Variants in MTUS2 observed in about 807,000 individuals in gnomAD.
MTUS2 encodes microtubule-associated tumor suppressor candidate 2.
A neutral mutation model predicts 114.1 loss-of-function variants in MTUS2; 40 were observed. The ratio of observed to expected loss-of-function variants is 0.35; its 90% CI spans 0.27 to 0.46. MTUS2 has a LOEUF of 0.46. Ranked by LOEUF, MTUS2 falls within the 20% of genes least tolerant of loss-of-function variation. MTUS2 has a pLI of 1.00. For missense variants in MTUS2, 1,679 were observed against 1,705.4 expected, an observed-to-expected ratio of 0.98 and a Z score of 0.27; for synonymous variants, 688 against 672.0, an observed-to-expected ratio of 1.02 and a Z score of -0.37.
At position 29,389,343 on chromosome 13, in the gene MTUS2, A is replaced by G. The variant is rs1206973430; in HGVS notation, c.3117+29870A>G. 3.7e-4 allele frequency among the ~76,000 whole-genome samples: 20 copies of G among 53,898 alleles called. 3 individuals are homozygous for G. The highest frequency in any genetic ancestry group is 7.7e-4 in the African/African-American group (15 of 19,572). 35.4% of individuals were successfully genotyped at this position (53,898 alleles called of 152,430 possible). ...CACATATGTGTGTATATATGTATGC[A>G]CGTGTGTGTATATATGTATGCACGT... is the stretch of plus-strand genomic sequence containing the variant. On this transcript the variant is annotated intron_variant, in intron 8 of 15. Transcript: ENST00000612955.
chr13:28,868,481 G>T (rs1372900963), intron 2 of MTUS2, among the ~76,000 whole-genome samples: 2 of 152,146 alleles, frequency 1.3e-5, no homozygotes, highest in African/African-American at 4.8e-5. Flanking sequence ...TCCAGTTTGT[G>T]TCTGTTTATG....
chr13:28,931,667 T>C (rs1309030262), intron 2 of MTUS2, among the ~76,000 whole-genome samples: 2 of 151,720 alleles, frequency 1.3e-5, no homozygotes, highest in Non-Finnish European at 2.9e-5. Context: ...ATAATGACTG[T>C]TTATATTGTA....
chr13:29,032,182 C>T (rs1046968447), intron 3 of MTUS2, among the ~76,000 whole-genome samples: 5 of 152,046 alleles, frequency 3.3e-5, no homozygotes, highest in African/African-American at 1.2e-4. Context: ...ACATCAAAGG[C>T]GCAGTTTTCC....
intron 10 of MTUS2, among the ~76,000 whole-genome samples, chr13:29,485,828 AT>A (rs1881571391): frequency 6.9e-6 from 1 of 144,442 alleles, no homozygotes; most frequent in Non-Finnish European, 1.5e-5. Flanking sequence ...ACTCATGATC[AT>A]TTGTGTAAGC....
At chr13:29,376,966 G>A (rs1005061075) in intron 8 of MTUS2, among the ~76,000 whole-genome samples, 6 of 118,268 alleles carry the variant, frequency 5.1e-5, no homozygotes, top group Non-Finnish European at 9.3e-5. Flanking sequence ...TGAAAAACTG[G>A]AGTAGCTATA....
intron 5 of MTUS2, among the ~76,000 whole-genome samples, chr13:29,219,507 C>G (rs34762092): frequency 0.15 from 22,661 of 151,998 alleles, 1,860 homozygotes; most frequent in East Asian, 0.31. Context: ...ATGGCTGGGT[C>G]AAATGGTATT....
At position 28,894,288 on chromosome 13, in the gene MTUS2, GGGAGAGAGA is replaced by G. The variant is rs1326274127; in HGVS notation, c.-243+54440_-243+54448del. On this transcript the variant is annotated intron_variant, in intron 2 of 15. Transcript: ENST00000612955. ...GAAGAAGGAGAGTTGGTGGGGGGGGGGGAGAGAGAGAGAGAGGGGGGGGGGGAGGGAGGG... is the reference window on the plus strand; with the variant it reads ...GAAGAAGGAGAGTTGGTGGGGGGGGGGAGAGAGGGGGGGGGGGAGGGAGGG... Among the ~76,000 whole-genome samples, 134 of 20,968 alleles carry G rather than the reference GGGAGAGAGA, an allele frequency of 6.4e-3. 3 individuals carry two copies. The highest frequency in any genetic ancestry group is 0.036 in the African/African-American group (124 of 3,478). The allele number at this position is 20,968 out of a possible 152,430, so 13.8% of individuals were successfully genotyped here. A position where few individuals can be genotyped will look rare whatever the true frequency, so the allele number is the denominator to read the frequency against.
At chr13:29,089,312 T>C (rs1036815143) in intron 4 of MTUS2, among the ~76,000 whole-genome samples, 1 of 152,234 alleles carries the variant, frequency 6.6e-6, no homozygotes, top group Non-Finnish European at 1.5e-5. Context: ...GGGTTTCTGC[T>C]GAAAGGTCCA....
chr13:28,856,730 T>C (rs1876652187), intron 2 of MTUS2, among the ~76,000 whole-genome samples: 1 of 152,140 alleles, frequency 6.6e-6, no homozygotes, highest in South Asian at 2.1e-4. Flanking sequence ...GAAAATGGCC[T>C]AAGGAGGATT....
At chr13:29,060,577 G>A (rs1176957499) in intron 4 of MTUS2, among the ~76,000 whole-genome samples, 1 of 111,118 alleles carries the variant, frequency 9.0e-6, no homozygotes, top group East Asian at 2.9e-4. Flanking sequence ...CTATTTACTT[G>A]GTAAATCACT....
In MTUS2 at chr13:29,439,989, A is replaced by T. The variant is rs1014683773; in HGVS notation, c.3124A>T (p.Ser1042Cys). 2 of 1,582,688 alleles carry T rather than the reference A, an allele frequency of 1.3e-6. No individual in the cohort carries two copies. Among genetic ancestry groups the T allele is most frequent in the African/African-American group, 2.7e-5 (2 of 74,588 alleles). The change falls in exon 9 of 16, where the codon AGT becomes TGT. Residue 1042 changes from serine to cysteine, a missense_variant. Ser to Cys is a moderately radical substitution (Grantham distance 112). Coordinates refer to ENST00000612955, the MANE Select transcript of MTUS2 (RefSeq NM_001033602.4). ...ATQHFFRKNE[S>C]ALVKEKELSI... ...TCCGTTTTTGTTTTTTCAGAATGAA[A>T]GTGCCCTTGTGAAAGAAAAAGAGCT...
At chr13:29,005,236 G>A (rs1885554519) in intron 2 of MTUS2, among the ~76,000 whole-genome samples, 1 of 152,194 alleles carries the variant, frequency 6.6e-6, no homozygotes, top group Non-Finnish European at 1.5e-5. Flanking sequence ...TCAGCCACCA[G>A]CATTATGGTC....
chr13:29,293,582 G>A (rs1002749449), intron 6 of MTUS2, among the ~76,000 whole-genome samples: 1 of 151,966 alleles, frequency 6.6e-6, no homozygotes, highest in Non-Finnish European at 1.5e-5. Context: ...TCTACTTCTA[G>A]GACCCTCTCA....
intron 1 of MTUS2, among the ~76,000 whole-genome samples, chr13:28,828,276 C>A (rs1372328536): frequency 6.6e-6 from 1 of 152,200 alleles, no homozygotes; most frequent in Non-Finnish European, 1.5e-5. Flanking sequence ...CTCCCTTGTT[C>A]CCTCAACATT....
intron 4 of MTUS2, among the ~76,000 whole-genome samples, chr13:29,065,133 G>C (rs1329833756): frequency 6.6e-6 from 1 of 152,150 alleles, no homozygotes; most frequent in Non-Finnish European, 1.5e-5. Flanking sequence ...GTTCCTTTGA[G>C]TACATACCCA....
intron 2 of MTUS2, among the ~76,000 whole-genome samples, chr13:28,897,757 A>G (rs1400828751): frequency 6.6e-6 from 1 of 152,174 alleles, no homozygotes; most frequent in South Asian, 2.1e-4. Context: ...TTGTAGGGAC[A>G]TGGATGAAGC....
chr13:29,017,757 T>C (rs1445987084), intron 2 of MTUS2, among the ~76,000 whole-genome samples: 1 of 151,722 alleles, frequency 6.6e-6, no homozygotes, highest in Non-Finnish European at 1.5e-5. Context: ...GAGCTGAGGT[T>C]AGGATGAGAT....
At chr13:28,963,303 A>G (rs1194806162) in intron 2 of MTUS2, among the ~76,000 whole-genome samples, 2 of 152,214 alleles carry the variant, frequency 1.3e-5, no homozygotes, top group East Asian at 1.9e-4. Flanking sequence ...GTGAGCTGAG[A>G]TCGTGCCACT....
chr13:29,155,885 T>C lies in MTUS2; in HGVS notation c.2644+54915T>C, dbSNP rs143112888. Among the ~76,000 whole-genome samples, 127 of 152,118 alleles carry C rather than the reference T, an allele frequency of 8.3e-4. 1 individual carries two copies. The highest frequency in any genetic ancestry group is 2.9e-3 in the African/African-American group (122 of 41,504). On this transcript the variant is annotated intron_variant, in intron 5 of 15. Transcript: ENST00000612955. ...CTTGTTCCTGCTTAATGTTCTATCA[T>C]TACGAGGATAATCTTAAAAATATTT... is the stretch of plus-strand genomic sequence containing the variant.
Sources: allele counts gnomAD v4.1 joint callset (sites outside exome capture counted in the v4.1 genomes callset), GRCh38; gene constraint gnomAD v4.1.1; transcripts MANE v1.5; gene names NCBI Gene and HGNC (gene_info 2026-07-23, HGNC 2026-07-21).